The following DUSP12 variants were observed in gnomAD, a reference collection of about 807,000 sequenced individuals.
The protein encoded by DUSP12 is dual specificity protein phosphatase 12.
A neutral mutation model predicts 38.9 loss-of-function variants in DUSP12; 25 were observed. That is an observed-to-expected ratio of 0.64 (90% CI 0.47 to 0.90). DUSP12 has a LOEUF of 0.90. Ranked by LOEUF, DUSP12 falls within the 40% of genes least tolerant of loss-of-function variation. DUSP12 has a pLI of 0.00. For synonymous variants in DUSP12, 153 were observed against 153.9 expected, an observed-to-expected ratio of 0.99 and a Z score of 0.05; for missense variants, 403 against 427.0, an observed-to-expected ratio of 0.94 and a Z score of 0.50.
intron 5 of DUSP12, among the ~76,000 whole-genome samples, chr1:161,756,401 C>T (rs1684108730): frequency 6.6e-6 from 1 of 150,664 alleles, no homozygotes; most frequent in Admixed American, 6.7e-5. Context: ...AGTAATACAG[C>T]ATGAAAATCC....
chr1:161,754,459 T>C (rs72706023), intron 5 of DUSP12, among the ~76,000 whole-genome samples: 5,307 of 152,298 alleles, frequency 0.035, 119 homozygotes, highest in Non-Finnish European at 0.056. Flanking sequence ...TGTATTAGTC[T>C]ATTTTCACAC....
At chr1:161,756,689 T>G in intron 5 of DUSP12, 97 bp from the exon 6 acceptor site, 4 of 1,368,468 alleles carry the variant, frequency 2.9e-6, no homozygotes, top group Non-Finnish European at 4.0e-6. Flanking sequence ...AACGTGGGGA[T>G]CGTGTCTTGT....
At chr1:161,750,487 T>G (rs889814642) in intron 1 of DUSP12, among the ~76,000 whole-genome samples, 1 of 152,206 alleles carries the variant, frequency 6.6e-6, no homozygotes, top group Non-Finnish European at 1.5e-5. Context: ...TAATGCAGAT[T>G]AGGTTGCTTG....
Position 161,752,207 on chromosome 1 carries a change from C to T in DUSP12, c.578-161C>T, listed in dbSNP as rs115404233. On this transcript the variant is annotated intron_variant, in intron 3 of 5. Coordinates refer to ENST00000367943, the MANE Select transcript of DUSP12 (RefSeq NM_007240.3). The stretch of plus-strand genomic sequence containing the variant: ...GAACCTAAGCACTTAAATCACTGTC[C>T]TCTCCTACCTTAGCCTGATTTCTCA... Among the ~76,000 whole-genome samples the T allele has an allele frequency of 6.4e-3, 975 of 152,142 alleles. 6 individuals carry two copies. The highest frequency in any genetic ancestry group is 0.021 in the African/African-American group (885 of 41,502).
Position 161,750,114 on chromosome 1 carries a change from C to G in DUSP12, c.313C>G (p.Arg105Gly). Residue 105 changes from arginine (R) to glycine (G), a missense_variant, in exon 1 of 6, where the codon CGC (arginine) becomes GGC (glycine). By Grantham distance (125) the Arg-to-Gly change is moderately radical. Transcript: ENST00000367943. The stretch of plus-strand genomic sequence containing the variant: ...GTGCGTGGCCTTCATCGGTCAGGCC[C>G]GCGCTGAGGGCCGTGCGGTGTTGGT... ...DRCVAFIGQA[R>G]AEGRAVLVHC... 6.2e-7 allele frequency: 1 copy of G among 1,613,826 alleles called. No individual in the cohort carries two copies. Among genetic ancestry groups the G allele is most frequent in the Non-Finnish European group, 8.5e-7 (1 of 1,179,922 alleles).
At chr1:161,752,538 T>A in intron 4 of DUSP12, 74 bp downstream of exon 4, 2 of 998,244 alleles carry the variant, frequency 2.0e-6, no homozygotes, top group Non-Finnish European at 3.0e-6. Flanking sequence ...TTTATTTTCT[T>A]AAATTTCTGT....
At chr1:161,755,791 T>A (rs1331241840) in intron 5 of DUSP12, among the ~76,000 whole-genome samples, 1 of 152,244 alleles carries the variant, frequency 6.6e-6, no homozygotes, top group Non-Finnish European at 1.5e-5. Flanking sequence ...AGATTTTTTA[T>A]GTTTTGTCAT....
chr1:161,750,530 G>C (rs1210735874), intron 1 of DUSP12, among the ~76,000 whole-genome samples: 1 of 152,192 alleles, frequency 6.6e-6, no homozygotes, highest in Non-Finnish European at 1.5e-5. Flanking sequence ...AAAGATTTAG[G>C]GTTAAATGTT....
chr1:161,750,181 A>C, intron 1 of DUSP12, 36 bp downstream of exon 1: 1 of 1,580,538 alleles, frequency 6.3e-7, no homozygotes, highest in South Asian at 1.1e-5. Context: ...GTGCCCCGCC[A>C]AGCTTCCAGC....
At chr1:161,751,380 A>G (rs1684016276) in intron 1 of DUSP12, 3 of 229,856 alleles carry the variant, frequency 1.3e-5, no homozygotes. Flanking sequence ...AGGCGTAGGT[A>G]AGCCACTGTG....
At chr1:161,753,447 C>T (rs151200883) in intron 5 of DUSP12, 186 bp downstream of exon 5, 33 of 418,438 alleles carry the variant, frequency 7.9e-5, no homozygotes, top group African/African-American at 4.9e-4. Flanking sequence ...CCAGCTGATC[C>T]AACATAGTGA....
At chr1:161,751,614 T>G (rs72706018) in intron 1 of DUSP12, 54 bp from the exon 2 acceptor site, 15,166 of 1,505,788 alleles carry the variant, frequency 0.01, 92 homozygotes, top group Non-Finnish European at 0.011. Context: ...CTTTGTGTGT[T>G]TTTTTTTTTA....
At chr1:161,754,116 AT>A (rs1684072650) in intron 5 of DUSP12, among the ~76,000 whole-genome samples, 2 of 152,198 alleles carry the variant, frequency 1.3e-5, no homozygotes. Context: ...CTTAATAATG[AT>A]TTTGAAAGTT....
Position 161,751,900 on chromosome 1 carries a change from T to C in DUSP12, c.493T>C (p.Tyr165His). ...GGGGTTTGAGTGGCAACTGAAATTA[T>C]ACCAGGCAATGGGATACGAAGTGGA... ...NEGFEWQLKL[Y>H]QAMGYEVDTS... The change falls in exon 3 of 6, where the codon TAC (tyrosine) becomes CAC (histidine). Residue 165 changes from tyrosine (Y) to histidine (H), a missense_variant. Coordinates refer to ENST00000367943, the MANE Select transcript of DUSP12 (RefSeq NM_007240.3). 6.2e-7 allele frequency: 1 copy of C among 1,613,432 alleles called. No homozygotes were observed. The highest frequency in any genetic ancestry group is 1.7e-5 in the Admixed American group (1 of 59,976).
At chr1:161,756,658 C>T in intron 5 of DUSP12, 128 bp from the exon 6 acceptor site, 2 of 1,006,212 alleles carry the variant, frequency 2.0e-6, no homozygotes, top group Non-Finnish European at 2.9e-6. Flanking sequence ...CATTTTATCT[C>T]ACTGATTAGA....
At position 161,756,950 on chromosome 1, in the gene DUSP12, AT is replaced by A. The variant is rs763141814; in HGVS notation, c.*4del. 5 of 1,610,396 alleles carry A rather than the reference AT, an allele frequency of 3.1e-6. No individual in the cohort carries two copies. In the Admixed American group the frequency reaches 8.4e-5, roughly 27 times the overall value. ...GATCACAAACAGGAAAAATATGAAC[AT>A]GATATTTTATAGCTTGGGAAGAAAC... On this transcript the variant is annotated 3_prime_UTR_variant, in exon 6 of 6. Coordinates refer to ENST00000367943, the MANE Select transcript of DUSP12 (RefSeq NM_007240.3).
chr1:161,757,094 C>T lies in DUSP12; in HGVS notation c.*147C>T. Reference sequence around the variant, plus strand: ...CACTTGATGTAACCTGGAAACTATGCTTTACATGGCAATCAAAGCCTTTTG... The same window carrying T: ...CACTTGATGTAACCTGGAAACTATGTTTTACATGGCAATCAAAGCCTTTTG... On this transcript the variant is annotated 3_prime_UTR_variant, in exon 6 of 6. Coordinates refer to ENST00000367943, the MANE Select transcript of DUSP12 (RefSeq NM_007240.3). The T allele has an allele frequency of 1.4e-6, 1 of 704,478 alleles. No individual in the cohort carries two copies. The highest frequency in any genetic ancestry group is 2.2e-6 in the Non-Finnish European group (1 of 446,062). 43.6% of individuals were successfully genotyped at this position (704,478 alleles called of 1,614,324 possible).
At position 161,751,851 on chromosome 1, in the gene DUSP12, T is replaced by G. The variant is rs1352633744; in HGVS notation, c.459-15T>G. On this transcript the variant is annotated splice_polypyrimidine_tract_variant and intron_variant, in intron 2 of 5. Transcript: ENST00000367943. Reference sequence around the variant, plus strand: ...TTTTAAGAAAATGAAACTTTATATTTCTTTATCATTACAGGATGAATGAGG... The same window carrying G: ...TTTTAAGAAAATGAAACTTTATATTGCTTTATCATTACAGGATGAATGAGG... 6.2e-7 allele frequency: 1 copy of G among 1,604,566 alleles called. No homozygotes were observed. The highest frequency in any genetic ancestry group is 8.5e-7 in the Non-Finnish European group (1 of 1,176,028).
In DUSP12 at chr1:161,751,923, G is replaced by A. The variant is rs1217039645; in HGVS notation, c.516G>A (p.Val172=). The stretch of plus-strand genomic sequence containing the variant: ...TATACCAGGCAATGGGATACGAAGT[G>A]GATACCTCTAGTGCAATTTATAAGC... The part of the protein sequence containing the change: ...LKLYQAMGYE[V]DTSSAIYKQY... Residue 172 remains valine (V), a synonymous_variant, in exon 3 of 6, where the codon GTG becomes GTA. Coordinates refer to ENST00000367943, the MANE Select transcript of DUSP12 (RefSeq NM_007240.3). 3.1e-6 allele frequency: 5 copies of A among 1,613,340 alleles called. No individual in the cohort carries two copies. The highest frequency in any genetic ancestry group is 4.2e-6 in the Non-Finnish European group (5 of 1,179,732).
Sources: gnomAD v4.1 joint callset for allele counts (sites outside exome capture counted in the v4.1 genomes callset) on GRCh38, gnomAD v4.1.1 for gene constraint, MANE v1.5 for transcripts, NCBI Gene and HGNC (gene_info 2026-07-23, HGNC 2026-07-21) for gene names.